Variants in AGRN observed in about 807,000 individuals in gnomAD.
AGRN encodes the protein agrin proteoglycan.
A neutral mutation model predicts 211.0 loss-of-function variants in AGRN; 106 were observed. The ratio of observed to expected loss-of-function variants is 0.50; its 90% confidence interval spans 0.43 to 0.59. The LOEUF is 0.59. Among genes scored for constraint, AGRN ranks in the 20% least tolerant of loss-of-function variants. AGRN has a pLI of 0.00. For synonymous variants in AGRN, 1,525 were observed against 1,332.5 expected, an observed-to-expected ratio of 1.14 and a Z score of -3.15; for missense variants, 3,040 against 2,982.6, an observed-to-expected ratio of 1.02 and a Z score of -0.45.
At chr1:1,020,847 C>CGGT (rs1553170871) in intron 1 of AGRN, among the ~76,000 whole-genome samples, 8 of 69,580 alleles carry the variant, frequency 1.1e-4, no homozygotes, top group Admixed American at 4.6e-4. Context: ...CGCAGTGGTG[C>CGGT]GGGGGGGGGG....
intron 1 of AGRN, among the ~76,000 whole-genome samples, chr1:1,021,572 C>G (rs1183293472): frequency 6.6e-6 from 1 of 152,240 alleles, no homozygotes; most frequent in African/African-American, 2.4e-5. Context: ...GGGTCCCTGT[C>G]CCCGTGAGGG....
chr1:1,050,454 C>G lies in AGRN; in HGVS notation c.5004C>G (p.Phe1668Leu). The part of the protein sequence containing the change: ...LGEKMALEVV[F>L]LARGPSGLLL... Reference sequence around the variant, plus strand: ...AGAAGATGGCGCTGGAGGTCGTGTTCCTGGCACGAGGCCCCAGCGGCCTCC... The same window carrying G: ...AGAAGATGGCGCTGGAGGTCGTGTTGCTGGCACGAGGCCCCAGCGGCCTCC... Residue 1668 changes from phenylalanine (F) to leucine (L), a missense_variant, in exon 29 of 36, where the codon TTC becomes TTG. Transcript: ENST00000379370. 1 of 1,612,956 alleles carries G rather than the reference C, an allele frequency of 6.2e-7. No homozygotes were observed. Among genetic ancestry groups the G allele is most frequent in the Non-Finnish European group, 8.5e-7 (1 of 1,179,900 alleles).
chr1:1,029,094 G>T (rs549158044), intron 2 of AGRN, among the ~76,000 whole-genome samples: 1 of 143,246 alleles, frequency 7.0e-6, no homozygotes, highest in Non-Finnish European at 1.5e-5. Context: ...GGCCAAGGGC[G>T]CCCACAGCCA....
At position 1,041,746 on chromosome 1, in the gene AGRN, C is replaced by T. The variant is rs765083165; in HGVS notation, c.1177+44C>T. 27 of 1,530,746 alleles carry T rather than the reference C, an allele frequency of 1.8e-5. No homozygotes were observed. In the African/African-American group the frequency reaches 2.3e-4, roughly 13 times the overall value. 94.8% of individuals were successfully genotyped at this position (1,530,746 alleles called of 1,614,324 possible). On this transcript the variant is annotated intron_variant, in intron 6 of 35. Coordinates refer to ENST00000379370, the MANE Select transcript of AGRN (RefSeq NM_198576.4). ...GGAGGGCTCCGGCCAGTGCCAGGGT[C>T]GAGGTGGGCGGCTCCCCCGGGGGAG...
At chr1:1,040,526 GTCCGTGTCCGTGGTGGAC>G (rs2100628296) in intron 3 of AGRN, 121 bp from the exon 4 acceptor site, 1 of 1,030,774 alleles carries the variant, frequency 9.7e-7, no homozygotes, top group Non-Finnish European at 1.4e-6. Flanking sequence ...ACGCACGCGT[GTCCGTGTCCGTGGTGGAC>G]CCCCGATGCG....
intron 2 of AGRN, among the ~76,000 whole-genome samples, chr1:1,024,806 G>A (rs1194009039): frequency 1.3e-5 from 2 of 152,060 alleles, no homozygotes; most frequent in Admixed American, 1.3e-4. Flanking sequence ...TGCCTAGGGA[G>A]CCACATTCCT....
In AGRN at chr1:1,051,366, G is replaced by A. The variant is rs1303294233; in HGVS notation, c.5367G>A (p.Gln1789=). The change falls in exon 31 of 36, where the codon CAG becomes CAA. Residue 1789 remains glutamine (Q), a synonymous_variant. Transcript: ENST00000379370. ...CCTCTGGCTTCGACGGTGCCATCCAGCTGGTATGTGGGGGCGGGGCGTCCC... is the reference window on the plus strand; with the variant it reads ...CCTCTGGCTTCGACGGTGCCATCCAACTGGTATGTGGGGGCGGGGCGTCCC... The part of the protein sequence containing the change: ...AVSSGFDGAI[Q]LVSLGGRQLL... 6.4e-7 allele frequency: 1 copy of A among 1,563,718 alleles called. No individual in the cohort carries two copies. Among genetic ancestry groups the A allele is most frequent in the Admixed American group, 1.9e-5 (1 of 52,610 alleles).
Position 1,049,031 on chromosome 1 carries a change from G to A in AGRN, c.4270G>A (p.Ala1424Thr), listed in dbSNP as rs1645187693. The A allele has an allele frequency of 6.4e-7, 1 of 1,573,676 alleles. No homozygotes were observed. Among genetic ancestry groups the A allele is most frequent in the Non-Finnish European group, 8.6e-7 (1 of 1,161,694 alleles). The change falls in exon 24 of 36, where the codon GCG becomes ACG. Residue 1424 changes from alanine (A) to threonine (T), a missense_variant. This residue lies in a region of AGRN where 1,537 missense variants were observed against 1,505.0 expected (regional missense o/e 1.02). Coordinates refer to ENST00000379370, the MANE Select transcript of AGRN (RefSeq NM_198576.4). The stretch of plus-strand genomic sequence containing the variant: ...CCGGGGCAAGGACTTCCTGGCATTG[G>A]CGCTGCTAGATGGCCGCGTGCAGCT... ...NARGKDFLAL[A>T]LLDGRVQLRF...
chr1:1,023,342 C>T (rs777233763), intron 2 of AGRN, among the ~76,000 whole-genome samples: 45 of 152,160 alleles, frequency 3.0e-4, no homozygotes, highest in African/African-American at 1.0e-3. Flanking sequence ...CTGTGCATGC[C>T]TGGGGGCTAT....
At chr1:1,037,040 G>A (rs527936337) in intron 3 of AGRN, among the ~76,000 whole-genome samples, 1 of 152,290 alleles carries the variant, frequency 6.6e-6, no homozygotes, top group African/African-American at 2.4e-5. Context: ...CCCAGGACTG[G>A]GGGCAGGAGG....
At chr1:1,023,646 G>A (rs4452985) in intron 2 of AGRN, among the ~76,000 whole-genome samples, 1,878 of 152,280 alleles carry the variant, frequency 0.012, 23 homozygotes, top group African/African-American at 0.03. Flanking sequence ...CAGGAGAGGG[G>A]GTCACTAACC....
chr1:1,051,359 C>T lies in AGRN; in HGVS notation c.5360C>T (p.Ala1787Val). The T allele has an allele frequency of 6.4e-7, 1 of 1,565,020 alleles. No homozygotes were observed. The change falls in exon 31 of 36, where the codon GCC (alanine) becomes GTC (valine). Residue 1787 changes from alanine to valine, a missense_variant. Transcript: ENST00000379370. ...AAAVSSGFDG[A>V]IQLVSLGGRQ... Reference sequence around the variant, plus strand: ...GCCGTGTCCTCTGGCTTCGACGGTGCCATCCAGCTGGTATGTGGGGGCGGG... The same window carrying T: ...GCCGTGTCCTCTGGCTTCGACGGTGTCATCCAGCTGGTATGTGGGGGCGGG...
In AGRN at chr1:1,040,810, C is replaced by G; in HGVS notation, c.657C>G (p.Asn219Lys). The G allele has an allele frequency of 6.5e-7, 1 of 1,538,224 alleles. No homozygotes were observed. The highest frequency in any genetic ancestry group is 2.4e-5 in the East Asian group (1 of 40,958). Reference sequence around the variant, plus strand: ...GGTCGGACGCCTCCACCTACAGCAACGAATGCGAGCTGCAGCGGGCGCAGT... The same window carrying G: ...GGTCGGACGCCTCCACCTACAGCAAGGAATGCGAGCTGCAGCGGGCGCAGT... ...VCGSDASTYS[N>K]ECELQRAQCS... Residue 219 changes from asparagine (N) to lysine (K), a missense_variant, in exon 4 of 36, where the codon AAC becomes AAG. By Grantham distance (94) the Asn-to-Lys change is moderately conservative (BLOSUM62 0). Around this residue, in one of 3 missense-constraint regions of AGRN, gnomAD observed 1,498 missense variants for 1,457.8 expected, o/e 1.03. Transcript: ENST00000379370.
At chr1:1,024,451 C>T (rs1216932420) in intron 2 of AGRN, among the ~76,000 whole-genome samples, 6 of 152,068 alleles carry the variant, frequency 3.9e-5, no homozygotes, top group Admixed American at 2.0e-4. Context: ...TGACCTCTCC[C>T]CATCTGACTC....
chr1:1,035,911 G>C (rs905407600), intron 3 of AGRN, among the ~76,000 whole-genome samples: 1 of 152,126 alleles, frequency 6.6e-6, no homozygotes, highest in African/African-American at 2.4e-5. Flanking sequence ...TGTCCTCCCC[G>C]GGGTGCTCCT....
intron 2 of AGRN, among the ~76,000 whole-genome samples, chr1:1,033,364 C>CG: frequency 6.6e-6 from 1 of 151,864 alleles, no homozygotes; most frequent in Non-Finnish European, 1.5e-5. Flanking sequence ...CGCGGGCACA[C>CG]GCACGACGAC....
Position 1,050,299 on chromosome 1 carries a change from G to A in AGRN, c.4946G>A (p.Arg1649Lys), listed in dbSNP as rs757722439. The change falls in exon 28 of 36, where the codon AGA becomes AAA. Residue 1649 changes from arginine (R) to lysine (K), a missense_variant. Around this residue, in one of 3 missense-constraint regions of AGRN, gnomAD observed 1,537 missense variants for 1,505.0 expected, o/e 1.02. Coordinates refer to ENST00000379370, the MANE Select transcript of AGRN (RefSeq NM_198576.4). ...AACGGCTTCTCCCACCTGGAGCTGA[G>A]AGGCCTGCACACCTTTGCACGGGAC... Reference protein sequence around the residue: ...DFNGFSHLELRGLHTFARDLG... With the variant: ...DFNGFSHLELKGLHTFARDLG... 2.5e-6 allele frequency: 4 copies of A among 1,612,922 alleles called. No individual in the cohort carries two copies. In the African/African-American group the frequency reaches 5.3e-5, roughly 22 times the overall value.
chr1:1,021,087 ACC>A (rs928748369), intron 1 of AGRN, among the ~76,000 whole-genome samples: 3 of 151,792 alleles, frequency 2.0e-5, no homozygotes, highest in African/African-American at 7.3e-5. Flanking sequence ...GCGCCCGTGT[ACC>A]CCCAAAACCA....
rs1645008921 is a variant in AGRN, at chr1:1,043,644, CG to C, written c.1713del (p.His572ThrfsTer160). Reference sequence around the variant, plus strand: ...TGGCCCAGCCCGTGTGTGGCTCCGACGGGCACACGTACCCCAGCGAGTGCAT... The same window carrying C: ...TGGCCCAGCCCGTGTGTGGCTCCGACGGCACACGTACCCCAGCGAGTGCAT... ...ALAQPVCGSDGHTYPSECMLH... is the reference protein window; with the variant it reads ...ALAQPVCGSDXHTYPSECMLH... On this transcript the variant is annotated frameshift_variant, in exon 9 of 36. Coordinates refer to ENST00000379370, the MANE Select transcript of AGRN (RefSeq NM_198576.4). LOFTEE classifies it high-confidence loss of function. The C allele has an allele frequency of 6.2e-7, 1 of 1,602,156 alleles. No homozygotes were observed. Among genetic ancestry groups the C allele is most frequent in the Non-Finnish European group, 8.5e-7 (1 of 1,179,762 alleles).
Sources: allele counts gnomAD v4.1 joint callset (sites outside exome capture counted in the v4.1 genomes callset), GRCh38; gene constraint gnomAD v4.1.1; regional missense constraint gnomAD v4.1.1; transcripts MANE v1.5; gene names NCBI Gene and HGNC (gene_info 2026-07-23, HGNC 2026-07-21).